Variants in TRPS1 observed in about 807,000 individuals in gnomAD.
TRPS1 encodes transcriptional repressor GATA binding 1, also known as zinc finger transcription factor Trps1.
A neutral mutation model predicts 101.2 loss-of-function variants in TRPS1; 6 were observed. That is an observed-to-expected ratio of 0.06 (90% CI 0.03 to 0.12). The LOEUF (loss-of-function observed/expected upper bound fraction) is 0.12. TRPS1 is among the 10% of genes least tolerant of loss of function. The pLI, the probability that TRPS1 is intolerant of heterozygous loss-of-function variation, is 1.00. For synonymous variants in TRPS1, 578 were observed against 589.8 expected, an observed-to-expected ratio of 0.98 and a Z score of 0.29; for missense variants, 1,363 against 1,567.0, an observed-to-expected ratio of 0.87 and a Z score of 2.20.
At chr8:115,498,313 T>C (rs190413241) in intron 5 of TRPS1, among the ~76,000 whole-genome samples, 1 of 150,372 alleles carries the variant, frequency 6.7e-6, no homozygotes, top group African/African-American at 2.4e-5. Context: ...CTAAAGTCTA[T>C]GCTGCAGTGA....
In TRPS1 at chr8:115,587,113, T is replaced by C; in HGVS notation, c.2588A>G (p.Lys863Arg). The change falls in exon 5 of 7, where the codon AAG (lysine) becomes AGG (arginine). Residue 863 changes from lysine to arginine, a missense_variant. Lys to Arg is a conservative substitution (Grantham distance 26, BLOSUM62 2). Coordinates refer to ENST00000395715, the MANE Select transcript of TRPS1 (RefSeq NM_014112.5). ...RPIYGLAVETKGFLQGAPAGG... is the reference protein window; with the variant it reads ...RPIYGLAVETRGFLQGAPAGG... ...AGCTGGCGCCCCCTGCAGGAATCCC[T>C]TGGTTTCCACAGCCAAGCCATAAAT... The C allele has an allele frequency of 6.2e-7, 1 of 1,614,116 alleles. No homozygotes were observed. The highest frequency in any genetic ancestry group is 8.5e-7 in the Non-Finnish European group (1 of 1,180,012).
At chr8:115,603,713 T>A (rs1012762607) in intron 4 of TRPS1, among the ~76,000 whole-genome samples, 160 bp downstream of exon 4, 3 of 152,188 alleles carry the variant, frequency 2.0e-5, no homozygotes, top group Non-Finnish European at 4.4e-5. Flanking sequence ...TGTAACTATA[T>A]CACCTGCAAA....
At chr8:115,535,478 C>A (rs1816290729) in intron 5 of TRPS1, among the ~76,000 whole-genome samples, 1 of 147,864 alleles carries the variant, frequency 6.8e-6, no homozygotes, top group Non-Finnish European at 1.5e-5. Context: ...ACATATCACA[C>A]ATATATAGCA....
intron 5 of TRPS1, among the ~76,000 whole-genome samples, chr8:115,463,904 T>C (rs1814252025): frequency 6.6e-6 from 1 of 151,516 alleles, no homozygotes; most frequent in Non-Finnish European, 1.5e-5. Context: ...ATATATAATA[T>C]AAAATAACTA....
rs1813506649 is a variant in TRPS1 at position 115,438,287 on chromosome 8, T to C, written c.2701-19835A>G. Among the ~76,000 whole-genome samples the C allele has an allele frequency of 2.6e-5, 4 of 152,330 alleles. No individual in the cohort carries two copies. In the South Asian group the frequency reaches 8.3e-4, roughly 32 times the overall value. ...AGTATCTGCCCTGGGCCCAGCACCA[T>C]GTTGGATGCTCTACCTGTAAAAGGC... is the stretch of plus-strand genomic sequence containing the variant. On this transcript the variant is annotated intron_variant, in intron 5 of 6. Coordinates refer to ENST00000395715, the MANE Select transcript of TRPS1 (RefSeq NM_014112.5).
chr8:115,617,616 C>T (rs1818301741), intron 3 of TRPS1, among the ~76,000 whole-genome samples: 2 of 152,150 alleles, frequency 1.3e-5, no homozygotes, highest in South Asian at 4.1e-4. Flanking sequence ...CAGGTATTAA[C>T]TTCATATTAC....
intron 1 of TRPS1, among the ~76,000 whole-genome samples, chr8:115,629,042 A>C (rs1818577612): frequency 6.6e-6 from 1 of 151,874 alleles, no homozygotes; most frequent in Non-Finnish European, 1.5e-5. Context: ...CCATTTAGCC[A>C]ACAAAACTAA....
chr8:115,417,714 C>CT (rs1812955847), intron 6 of TRPS1, among the ~76,000 whole-genome samples: 1 of 152,108 alleles, frequency 6.6e-6, no homozygotes, highest in African/African-American at 2.4e-5. Context: ...GACAAAGTAT[C>CT]TTTGCACCTT....
chr8:115,480,705 C>T (rs1814731917), intron 5 of TRPS1, among the ~76,000 whole-genome samples: 1 of 152,014 alleles, frequency 6.6e-6, no homozygotes, highest in Non-Finnish European at 1.5e-5. Context: ...TATTTTTAAG[C>T]CCTTTCATTA....
At chr8:115,427,399 C>T (rs1343286063) in intron 5 of TRPS1, among the ~76,000 whole-genome samples, 2 of 152,136 alleles carry the variant, frequency 1.3e-5, no homozygotes, top group East Asian at 3.9e-4. Context: ...CATATGTTTG[C>T]AGGATAACAT....
intron 5 of TRPS1, among the ~76,000 whole-genome samples, chr8:115,426,487 C>G (rs1007105041): frequency 1.3e-5 from 2 of 151,950 alleles, no homozygotes; most frequent in Non-Finnish European, 2.9e-5. Flanking sequence ...TTTAGGGCTG[C>G]CTTTATAATA....
chr8:115,445,397 A>G (rs1563736130), intron 5 of TRPS1, among the ~76,000 whole-genome samples: 1 of 152,166 alleles, frequency 6.6e-6, no homozygotes, highest in East Asian at 1.9e-4. Context: ...CATCCCCAAA[A>G]CCTTTCTTTA....
intron 5 of TRPS1, among the ~76,000 whole-genome samples, chr8:115,462,636 TCTCTC>T (rs138169497): frequency 0.084 from 7,078 of 83,944 alleles, 264 homozygotes; most frequent in Non-Finnish European, 0.13. Context: ...TCTCTCTCTC[TCTCTC>T]TTTTTTTTTT....
chr8:115,581,138 T>G (rs1817439499), intron 5 of TRPS1, among the ~76,000 whole-genome samples: 1 of 150,910 alleles, frequency 6.6e-6, no homozygotes, highest in South Asian at 2.1e-4. Context: ...TTAAGTGAAA[T>G]AAGCCTGGAA....
Position 115,615,186 on chromosome 8 carries a change from A to C in TRPS1, c.966+3946T>G, listed in dbSNP as rs150169011. On this transcript the variant is annotated intron_variant, in intron 3 of 6. Transcript: ENST00000395715. The stretch of plus-strand genomic sequence containing the variant: ...GCTGGAAACCAGTAGCTACCTTCTT[A>C]AAGTCCTGAATAATGCAGTAATAAA... Among the ~76,000 whole-genome samples, 920 of 152,356 alleles carry C rather than the reference A, an allele frequency of 6.0e-3. 24 individuals carry two copies. The highest frequency in any genetic ancestry group is 0.045 in the Admixed American group (692 of 15,300).
intron 5 of TRPS1, among the ~76,000 whole-genome samples, chr8:115,459,346 A>AATAATG (rs745311494): frequency 4.6e-5 from 7 of 151,828 alleles, no homozygotes; most frequent in Middle Eastern, 3.4e-3. Context: ...TAATAATAAT[A>AATAATG]ATGATGTTAC....
chr8:115,461,290 T>C (rs575535385), intron 5 of TRPS1, among the ~76,000 whole-genome samples: 198 of 30,268 alleles, frequency 6.5e-3, no homozygotes, highest in African/African-American at 0.016. Context: ...GATAGATAGA[T>C]AGATAGATAG....
chr8:115,655,611 TAATA>T (rs1811659906), intron 1 of TRPS1, among the ~76,000 whole-genome samples: 1 of 152,224 alleles, frequency 6.6e-6, no homozygotes, highest in Non-Finnish European at 1.5e-5. Flanking sequence ...CTCAGAAAGT[TAATA>T]TATATGTACA....
intron 3 of TRPS1, among the ~76,000 whole-genome samples, chr8:115,617,519 G>A (rs192040148): frequency 5.9e-5 from 9 of 152,224 alleles, no homozygotes; most frequent in African/African-American, 1.7e-4. Flanking sequence ...AGTAATTTTC[G>A]TTTTTAGAGT....
Sources: gnomAD v4.1 joint callset for allele counts (sites outside exome capture counted in the v4.1 genomes callset) on GRCh38, gnomAD v4.1.1 for gene constraint, MANE v1.5 for transcripts, NCBI Gene and HGNC (gene_info 2026-07-23, HGNC 2026-07-21) for gene names.